SLC4A8: variants seen among roughly 807,000 people sequenced by gnomAD.
SLC4A8 encodes the protein solute carrier family 4 member 8.
In SLC4A8, 40 loss-of-function variants were observed where a neutral mutation model predicts 125.0. The observed-to-expected ratio is 0.32, with a 90% confidence interval of 0.25 to 0.42. The LOEUF (loss-of-function observed/expected upper bound fraction) is 0.42. SLC4A8 is among the 10% of genes least tolerant of loss of function. The pLI, the probability that SLC4A8 is intolerant of heterozygous loss-of-function variation, is 1.00. For missense variants in SLC4A8, 863 were observed against 1,355.1 expected (o/e 0.64, Z 5.70); for synonymous variants, 456 against 476.0 (o/e 0.96, Z 0.55).
chr12:51,403,147 A>G (rs1182656650), intron 1 of SLC4A8: 1 of 217,754 alleles, frequency 4.6e-6, no homozygotes, highest in Non-Finnish European at 1.1e-5. Context: ...TGCTCAGAAC[A>G]TAATAAATGC....
chr12:51,396,304 G>A (rs995251503), intron 1 of SLC4A8, among the ~76,000 whole-genome samples: 1 of 152,110 alleles, frequency 6.6e-6, no homozygotes, highest in African/African-American at 2.4e-5. Flanking sequence ...GAGATACAAG[G>A]ATAATAAGTC....
intron 1 of SLC4A8, among the ~76,000 whole-genome samples, chr12:51,402,635 T>A (rs1948413169): frequency 6.6e-6 from 1 of 152,064 alleles, no homozygotes; most frequent in African/African-American, 2.4e-5. Context: ...GGCAGGAGAA[T>A]CTTTTGAACC....
At chr12:51,403,983 C>T (rs918268276) in intron 1 of SLC4A8, among the ~76,000 whole-genome samples, 2 of 152,210 alleles carry the variant, frequency 1.3e-5, no homozygotes, top group Non-Finnish European at 2.9e-5. Context: ...GGCTGCAGGG[C>T]CCTGGAGTTC....
chr12:51,459,399 C>G (rs577785195), intron 7 of SLC4A8, among the ~76,000 whole-genome samples: 1 of 151,954 alleles, frequency 6.6e-6, no homozygotes, highest in Non-Finnish European at 1.5e-5. Context: ...CTTAAAAGCT[C>G]TGTGGTCCCG....
rs1367640464 is a variant in SLC4A8 at position 51,514,847 on chromosome 12, A to G, written c.*7409A>G. The G allele has an allele frequency of 2.0e-5, 3 of 152,240 alleles. No individual in the cohort carries two copies. Among genetic ancestry groups the G allele is most frequent in the African/African-American group, 7.2e-5 (3 of 41,466 alleles). 9.4% of individuals were successfully genotyped at this position (152,240 alleles called of 1,614,324 possible). A position where few individuals can be genotyped will look rare whatever the true frequency, so the allele number is the denominator to read the frequency against. On this transcript the variant is annotated 3_prime_UTR_variant, in exon 25 of 25. Coordinates refer to ENST00000453097, the MANE Select transcript of SLC4A8 (RefSeq NM_001039960.3). ...ATATTACTGCTTGAAGTGTGAAAAG[A>G]GGAAAGGAGTGTTATGTGAACCTTT...
chr12:51,424,877 G>T lies in SLC4A8; in HGVS notation c.-111G>T. 8.4e-7 allele frequency: 1 copy of T among 1,191,736 alleles called. No homozygotes were observed. The highest frequency in any genetic ancestry group is 1.2e-6 in the Non-Finnish European group (1 of 841,770). 73.8% of individuals were successfully genotyped at this position (1,191,736 alleles called of 1,614,324 possible). A position where few individuals can be genotyped will look rare whatever the true frequency, so the allele number is the denominator to read the frequency against. On this transcript the variant is annotated 5_prime_UTR_variant, in exon 1 of 25. Transcript: ENST00000453097. ...CGGCGGCGGTTGATGGTTGACCGTT[G>T]GCTCCGGGGTGGGGGTCGCCGTTCG...
intron 4 of SLC4A8, 106 bp downstream of exon 4, chr12:51,452,365 TGACTGACATGGG>T: frequency 7.8e-7 from 1 of 1,275,790 alleles, no homozygotes; most frequent in East Asian, 2.3e-5. Context: ...GGAGAAGCTG[TGACTGACATGGG>T]GACTGACATT....
intron 9 of SLC4A8, 54 bp from the exon 10 acceptor site, chr12:51,462,256 T>G: frequency 6.7e-7 from 1 of 1,500,508 alleles, no homozygotes; most frequent in Non-Finnish European, 9.3e-7. Flanking sequence ...CCATTGGTGA[T>G]TGTTTCATGT....
intron 23 of SLC4A8, among the ~76,000 whole-genome samples, chr12:51,505,264 G>A (rs1369327137): frequency 6.6e-6 from 1 of 152,172 alleles, no homozygotes; most frequent in Non-Finnish European, 1.5e-5. Context: ...AGGAAACCAA[G>A]GGCTGGGTTC....
intron 11 of SLC4A8, among the ~76,000 whole-genome samples, chr12:51,467,145 C>T (rs1483910715): frequency 6.6e-6 from 1 of 152,102 alleles, no homozygotes; most frequent in Admixed American, 6.5e-5. Context: ...TTATTGCTGC[C>T]TGCAAGGTTA....
rs1012380698 is a variant in SLC4A8 at position 51,470,615 on chromosome 12, G to A, written c.1658+90G>A. Reference sequence around the variant, plus strand: ...TCAGGGTTCTACTCAGTACAGACAGGCAATATCATTTTGGATTGTAAGAAA... The same window carrying A: ...TCAGGGTTCTACTCAGTACAGACAGACAATATCATTTTGGATTGTAAGAAA... On this transcript the variant is annotated intron_variant, in intron 13 of 24. Coordinates refer to ENST00000453097, the MANE Select transcript of SLC4A8 (RefSeq NM_001039960.3). 2.7e-5 allele frequency: 33 copies of A among 1,211,908 alleles called. No homozygotes were observed. In the African/African-American group the frequency reaches 4.2e-4, roughly 16 times the overall value. The allele number at this position is 1,211,908 out of a possible 1,614,324, so 75.1% of individuals were successfully genotyped here. A position where few individuals can be genotyped will look rare whatever the true frequency, so the allele number is the denominator to read the frequency against.
intron 22 of SLC4A8, among the ~76,000 whole-genome samples, chr12:51,501,046 G>A (rs1188580708): frequency 6.6e-6 from 1 of 152,124 alleles, no homozygotes; most frequent in East Asian, 1.9e-4. Flanking sequence ...AGCCAGGATG[G>A]TCTCGATCTC....
intron 11 of SLC4A8, among the ~76,000 whole-genome samples, chr12:51,468,617 G>A (rs984206088): frequency 3.9e-5 from 6 of 152,032 alleles, no homozygotes; most frequent in Non-Finnish European, 5.9e-5. Context: ...AAAATTAGCC[G>A]GGCATGGTGG....
chr12:51,402,846 A>T (rs980845918), intron 1 of SLC4A8, among the ~76,000 whole-genome samples: 1 of 152,192 alleles, frequency 6.6e-6, no homozygotes, highest in African/African-American at 2.4e-5. Context: ...ATGGGCAAAG[A>T]CGGGTGTCTT....
intron 11 of SLC4A8, among the ~76,000 whole-genome samples, chr12:51,463,934 C>G (rs915626065): frequency 4.6e-5 from 7 of 152,292 alleles, no homozygotes; most frequent in African/African-American, 1.7e-4. Context: ...TTTTGTCTCA[C>G]CTCCAGTCCT....
intron 2 of SLC4A8, chr12:51,441,208 C>A: frequency 1.0e-6 from 1 of 982,428 alleles, no homozygotes; most frequent in Non-Finnish European, 1.2e-6. Flanking sequence ...ATTTTTACCC[C>A]ATTTCCAATA....
chr12:51,413,548 T>A (rs143969659), intron 1 of SLC4A8, among the ~76,000 whole-genome samples: 36 of 152,304 alleles, frequency 2.4e-4, no homozygotes, highest in Non-Finnish European at 5.1e-4. Flanking sequence ...TTATAGTTCC[T>A]GGTCTTACAT....
intron 16 of SLC4A8, among the ~76,000 whole-genome samples, chr12:51,476,572 T>G (rs1950860935): frequency 6.6e-6 from 1 of 152,082 alleles, no homozygotes; most frequent in African/African-American, 2.4e-5. Context: ...GATGATACAC[T>G]ATTGTAGATA....
rs763553765 is a variant in SLC4A8, at chr12:51,463,717, A to G, written c.1349+3A>G. 8 of 1,604,800 alleles carry G rather than the reference A, an allele frequency of 5.0e-6. No homozygotes were observed. The Admixed American group carries it at 1.3e-4, about 27-fold the overall frequency. ...CCAGAACTTCAGCGCACTGGGCGGTAAGTCCTGGGACGTTTCACAGCGATG... is the reference window on the plus strand; with the variant it reads ...CCAGAACTTCAGCGCACTGGGCGGTGAGTCCTGGGACGTTTCACAGCGATG... On this transcript the variant is annotated splice_donor_region_variant and intron_variant, in intron 11 of 24. Coordinates refer to ENST00000453097, the MANE Select transcript of SLC4A8 (RefSeq NM_001039960.3).
Sources: allele counts gnomAD v4.1 joint callset (sites outside exome capture counted in the v4.1 genomes callset), GRCh38; gene constraint gnomAD v4.1.1; transcripts MANE v1.5; gene names NCBI Gene and HGNC (gene_info 2026-07-23, HGNC 2026-07-21).